Variants in SOBP observed in about 807,000 individuals in gnomAD.
SOBP encodes the protein sine oculis-binding protein homolog.
Under a neutral mutation model 53.6 loss-of-function variants are expected in SOBP, and 4 were observed. That is an observed-to-expected ratio of 0.07 (90% confidence interval 0.04 to 0.17). The LOEUF is 0.17. Among genes scored for constraint, SOBP ranks in the 10% least tolerant of loss-of-function variants. SOBP has a pLI of 1.00. For missense variants in SOBP, 1,088 were observed against 1,204.7 expected (o/e 0.90, Z 1.43); for synonymous variants, 584 against 522.6 (o/e 1.12, Z -1.60).
Position 107,635,269 on chromosome 6 carries a change from C to G in SOBP, c.2425C>G (p.Pro809Ala). 6.2e-7 allele frequency: 1 copy of G among 1,613,912 alleles called. No individual in the cohort carries two copies. Among genetic ancestry groups the G allele is most frequent in the African/African-American group, 1.3e-5 (1 of 75,044 alleles). Residue 809 changes from proline (P) to alanine (A), a missense_variant, in exon 6 of 7, where the codon CCC becomes GCC. Pro to Ala is a conservative substitution (Grantham distance 27). Around this residue, in one of 6 missense-constraint regions of SOBP, gnomAD observed 665 missense variants for 629.7 expected, o/e 1.06. Transcript: ENST00000317357. The surrounding 1 kb of genome is among the most constrained non-coding windows in gnomAD (Gnocchi z 4.5). The part of the protein sequence containing the change: ...GDKSDPNLNN[P>A]ADEDHAYALR... ...CAAGTCAGACCCGAACCTTAATAAC[C>G]CCGCGGACGAGGACCATGCCTATGC...
At chr6:107,600,261 G>A (rs1294220108) in intron 5 of SOBP, among the ~76,000 whole-genome samples, 2 of 152,162 alleles carry the variant, frequency 1.3e-5, no homozygotes, top group Non-Finnish European at 2.9e-5. Flanking sequence ...TCCTCCTACG[G>A]GAATGGGAAG....
chr6:107,611,612 A>T (rs1446496783), intron 5 of SOBP, among the ~76,000 whole-genome samples: 1 of 152,160 alleles, frequency 6.6e-6, no homozygotes, highest in East Asian at 1.9e-4. Context: ...CCGGGCCAGC[A>T]TTGGACTCAC....
chr6:107,578,005 C>A (rs900621381), intron 4 of SOBP, among the ~76,000 whole-genome samples: 1 of 144,820 alleles, frequency 6.9e-6, no homozygotes, highest in Non-Finnish European at 1.5e-5. Flanking sequence ...ACCGGGGAGG[C>A]GAAGCTTGCA....
chr6:107,512,099 A>G (rs1783187275), intron 3 of SOBP, among the ~76,000 whole-genome samples: 1 of 152,322 alleles, frequency 6.6e-6, no homozygotes, highest in South Asian at 2.1e-4. Context: ...GAAAATAATA[A>G]AAGTATTGAC....
intron 3 of SOBP, among the ~76,000 whole-genome samples, chr6:107,513,097 G>A (rs1269250263): frequency 6.6e-6 from 1 of 152,174 alleles, no homozygotes; most frequent in East Asian, 1.9e-4. Flanking sequence ...GTAAAAGGAA[G>A]AGCCTGTCCA....
At chr6:107,582,600 A>C (rs1489653738) in intron 4 of SOBP, among the ~76,000 whole-genome samples, 1 of 152,134 alleles carries the variant, frequency 6.6e-6, no homozygotes. Context: ...TCAAAAATGC[A>C]CCTTTGTTCT....
At position 107,503,734 on chromosome 6, in the gene SOBP, T is replaced by C. The variant is rs1385197439; in HGVS notation, c.174T>C (p.Asp58=). The stretch of plus-strand genomic sequence containing the variant: ...AGGTTGAATTAAAAGATGGTGAGGA[T>C]ATTGAATTCAGGAGCTACCCTACAG... ...YDKVELKDGE[D]IEFRSYPTDG... Residue 58 remains aspartate (D), a synonymous_variant, in exon 2 of 7, where the codon GAT becomes GAC. Coordinates refer to ENST00000317357, the MANE Select transcript of SOBP (RefSeq NM_018013.4). 3 of 1,614,166 alleles carry C rather than the reference T, an allele frequency of 1.9e-6. No individual in the cohort carries two copies. Among genetic ancestry groups the C allele is most frequent in the Non-Finnish European group, 2.5e-6 (3 of 1,180,000 alleles).
At chr6:107,576,568 C>T (rs916025698) in intron 4 of SOBP, among the ~76,000 whole-genome samples, 3 of 152,122 alleles carry the variant, frequency 2.0e-5, no homozygotes, top group Admixed American at 6.5e-5. Flanking sequence ...CCAGCCAGGC[C>T]GAGTACACAG....
intron 6 of SOBP, among the ~76,000 whole-genome samples, chr6:107,652,748 G>C (rs1466371771): frequency 1.3e-5 from 2 of 152,006 alleles, no homozygotes; most frequent in African/African-American, 4.8e-5. Flanking sequence ...AGCCACCCCA[G>C]CCTTTGGCAA....
chr6:107,533,665 G>T (rs1057022682), intron 4 of SOBP, 55 bp downstream of exon 4: 14 of 1,607,414 alleles, frequency 8.7e-6, no homozygotes, highest in Non-Finnish European at 1.2e-5. Context: ...GCCCACACGC[G>T]CATGTGCCTC....
intron 4 of SOBP, among the ~76,000 whole-genome samples, chr6:107,573,996 G>A (rs775127007): frequency 2.5e-4 from 38 of 152,160 alleles, no homozygotes; most frequent in Non-Finnish European, 5.0e-4. Flanking sequence ...CTGGCACACA[G>A]TAGATGCTCA....
At chr6:107,508,566 G>A (rs1783065835) in intron 3 of SOBP, among the ~76,000 whole-genome samples, 1 of 151,580 alleles carries the variant, frequency 6.6e-6, no homozygotes, top group African/African-American at 2.4e-5. Context: ...GTGACAGAGT[G>A]AGACTCCGTC....
In SOBP at chr6:107,659,125, G is replaced by T. The variant is rs1327591543; in HGVS notation, c.*922G>T. 6.6e-6 allele frequency: 1 copy of T among 152,584 alleles called. No homozygotes were observed. The highest frequency in any genetic ancestry group is 2.4e-5 in the African/African-American group (1 of 41,450). The allele number at this position is 152,584 out of a possible 1,614,324, so 9.5% of individuals were successfully genotyped here. ...GCTGGGCGTCAGGAAAGACTCAGATGAAATTTCAACCCTGATGGTTTTCGG... is the reference window on the plus strand; with the variant it reads ...GCTGGGCGTCAGGAAAGACTCAGATTAAATTTCAACCCTGATGGTTTTCGG... On this transcript the variant is annotated 3_prime_UTR_variant, in exon 7 of 7. Transcript: ENST00000317357.
intron 1 of SOBP, among the ~76,000 whole-genome samples, chr6:107,499,667 A>G (rs1030172577): frequency 1.3e-5 from 2 of 152,324 alleles, no homozygotes; most frequent in Admixed American, 1.3e-4. Context: ...TTTCTTTGCA[A>G]AAGGTATTTT....
intron 3 of SOBP, among the ~76,000 whole-genome samples, chr6:107,531,868 G>T (rs1205264518): frequency 1.3e-5 from 2 of 152,118 alleles, no homozygotes; most frequent in Non-Finnish European, 2.9e-5. Flanking sequence ...TTATTCCATT[G>T]AGGTAAATAA....
At chr6:107,618,554 A>G (rs1177627681) in intron 5 of SOBP, among the ~76,000 whole-genome samples, 1 of 152,256 alleles carries the variant, frequency 6.6e-6, no homozygotes, top group Non-Finnish European at 1.5e-5. Flanking sequence ...GTTCAAAATC[A>G]GTGTGCCAGC....
intron 3 of SOBP, among the ~76,000 whole-genome samples, chr6:107,516,743 T>G (rs1401580130): frequency 6.6e-6 from 1 of 152,136 alleles, no homozygotes; most frequent in East Asian, 1.9e-4. Context: ...ATTTCAAAAG[T>G]GAATCTTAAA....
chr6:107,604,071 A>G (rs916647560), intron 5 of SOBP, among the ~76,000 whole-genome samples: 13 of 152,204 alleles, frequency 8.5e-5, no homozygotes, highest in East Asian at 3.8e-4. Context: ...TCATAAATCA[A>G]TGGTCTTCAA....
intron 5 of SOBP, among the ~76,000 whole-genome samples, chr6:107,601,475 C>G (rs192672636): frequency 1.0e-3 from 157 of 152,318 alleles, no homozygotes; most frequent in Non-Finnish European, 9.4e-4. Flanking sequence ...AAGTGTTTGT[C>G]ATCTTTCTGA....
Sources: allele counts gnomAD v4.1 joint callset (sites outside exome capture counted in the v4.1 genomes callset), GRCh38; gene constraint gnomAD v4.1.1; regional missense constraint gnomAD v4.1.1; non-coding constraint Gnocchi (gnomAD v3.1); transcripts MANE v1.5; gene names NCBI Gene and HGNC (gene_info 2026-07-23, HGNC 2026-07-21).